Variants in TYR observed in about 807,000 individuals in gnomAD.
The protein encoded by TYR is tyrosinase, also known as LB24-AB.
In TYR, 58 loss-of-function variants were observed where a neutral mutation model predicts 51.5. The ratio of observed to expected loss-of-function variants is 1.13; its 90% confidence interval spans 0.91 to 1.40. The LOEUF is 1.40. Ranked by LOEUF, TYR falls within the 40% of genes most tolerant of loss-of-function variation. The pLI is 0.00. For missense variants in TYR, 732 were observed against 647.4 expected, an observed-to-expected ratio of 1.13 and a Z score of -1.42; for synonymous variants, 263 against 235.2, an observed-to-expected ratio of 1.12 and a Z score of -1.08.
chr11:89,204,545 C>T (rs1312191921), intron 2 of TYR, among the ~76,000 whole-genome samples: 1 of 151,798 alleles, frequency 6.6e-6, no homozygotes, highest in Non-Finnish European at 1.5e-5. Context: ...CAGGTGCCCA[C>T]CAACAAGCCC....
chr11:89,257,711 T>A (rs868582291), intron 3 of TYR, among the ~76,000 whole-genome samples: 4 of 151,820 alleles, frequency 2.6e-5, no homozygotes, highest in African/African-American at 4.8e-5. Flanking sequence ...ATTTATGTAT[T>A]TTTTTTACTA....
intron 3 of TYR, among the ~76,000 whole-genome samples, chr11:89,240,338 AT>A (rs546945475): frequency 1.9e-3 from 295 of 152,332 alleles, no homozygotes; most frequent in African/African-American, 6.7e-3. Flanking sequence ...CACCTAAAAA[AT>A]ATTCAGAAAA....
chr11:89,218,743 GCA>G (rs1200679485), intron 2 of TYR, among the ~76,000 whole-genome samples: 2 of 151,998 alleles, frequency 1.3e-5, no homozygotes, highest in Admixed American at 6.6e-5. Context: ...TTATTATTAT[GCA>G]CACTTTATAA....
intron 4 of TYR, among the ~76,000 whole-genome samples, chr11:89,293,367 AC>A (rs1565426392): frequency 5.5e-4 from 78 of 141,644 alleles, no homozygotes; most frequent in African/African-American, 1.9e-3. Context: ...ACACACACAC[AC>A]ACAACCCAGA....
chr11:89,191,786 A>C (rs75625236), intron 2 of TYR, among the ~76,000 whole-genome samples: 4,445 of 152,248 alleles, frequency 0.029, 210 homozygotes, highest in African/African-American at 0.098. Flanking sequence ...GAAGCAGAAG[A>C]AGCAGCAGTA....
At chr11:89,212,262 C>T (rs1044771344) in intron 2 of TYR, among the ~76,000 whole-genome samples, 1 of 152,168 alleles carries the variant, frequency 6.6e-6, no homozygotes, top group Non-Finnish European at 1.5e-5. Flanking sequence ...GATATTGCCA[C>T]TGATCCCCCA....
intron 3 of TYR, among the ~76,000 whole-genome samples, chr11:89,279,089 G>T (rs1368574021): frequency 1.3e-5 from 2 of 151,548 alleles, no homozygotes; most frequent in Non-Finnish European, 3.0e-5. Context: ...GTACCCCAAA[G>T]TATGGTGCCT....
intron 2 of TYR, among the ~76,000 whole-genome samples, chr11:89,216,862 T>C (rs986733367): frequency 6.6e-6 from 1 of 152,168 alleles, no homozygotes; most frequent in East Asian, 1.9e-4. Context: ...CGTATGACTA[T>C]TTTTCTTTAA....
intron 3 of TYR, among the ~76,000 whole-genome samples, chr11:89,255,933 T>A (rs1325358516): frequency 1.3e-5 from 2 of 151,680 alleles, no homozygotes; most frequent in Non-Finnish European, 3.0e-5. Flanking sequence ...TATTATTACT[T>A]GCTGGTCTAG....
chr11:89,189,713 T>C (rs991247958), intron 1 of TYR, among the ~76,000 whole-genome samples: 8 of 152,118 alleles, frequency 5.3e-5, no homozygotes, highest in Non-Finnish European at 1.0e-4. Context: ...TTTCTATAAC[T>C]ATGTGAGGTA....
At chr11:89,224,462 T>A (rs1808099472) in intron 2 of TYR, among the ~76,000 whole-genome samples, 3 of 152,166 alleles carry the variant, frequency 2.0e-5, no homozygotes, top group African/African-American at 7.2e-5. Flanking sequence ...AAAAATCTTT[T>A]TTACAGCAGT....
Position 89,229,332 on chromosome 11 carries a change from C to A in TYR, c.1184+1362C>A, listed in dbSNP as rs560148066. Among the ~76,000 whole-genome samples, 3 of 152,074 alleles carry A rather than the reference C, an allele frequency of 2.0e-5. No homozygotes were observed. In the East Asian group the frequency reaches 5.8e-4, roughly 29 times the overall value. ...GTGTCAATACCAACATCACAACCAC[C>A]TATACCCATACATAAGAGAGAAAAG... On this transcript the variant is annotated intron_variant, in intron 3 of 4. Coordinates refer to ENST00000263321, the MANE Select transcript of TYR (RefSeq NM_000372.5).
intron 3 of TYR, among the ~76,000 whole-genome samples, chr11:89,239,048 T>C (rs1944158051): frequency 6.6e-6 from 1 of 152,186 alleles, no homozygotes; most frequent in South Asian, 2.1e-4. Context: ...TTTTGTTTTG[T>C]CATACTCTCC....
At chr11:89,292,189 C>T (rs1283609472) in intron 4 of TYR, among the ~76,000 whole-genome samples, 1 of 151,892 alleles carries the variant, frequency 6.6e-6, no homozygotes, top group African/African-American at 2.4e-5. Context: ...CTTCTCATTC[C>T]ACAGCTGCCA....
At chr11:89,262,847 C>CAAAAAAAA (rs771958187) in intron 3 of TYR, among the ~76,000 whole-genome samples, 7 of 19,284 alleles carry the variant, frequency 3.6e-4, no homozygotes, top group African/African-American at 9.0e-4. Flanking sequence ...GCTACTCATC[C>CAAAAAAAA]AAAAAAAAAA....
intron 1 of TYR, among the ~76,000 whole-genome samples, chr11:89,190,740 C>T (rs1943431579): frequency 6.6e-6 from 1 of 152,056 alleles, no homozygotes; most frequent in Non-Finnish European, 1.5e-5. Context: ...AATGCAACTT[C>T]TAGTCCTGCA....
At chr11:89,211,094 T>A (rs1943748431) in intron 2 of TYR, among the ~76,000 whole-genome samples, 1 of 152,116 alleles carries the variant, frequency 6.6e-6, no homozygotes, top group African/African-American at 2.4e-5. Context: ...AATGGCAGGA[T>A]CAAATTCACA....
intron 3 of TYR, among the ~76,000 whole-genome samples, chr11:89,238,256 C>G (rs1230553402): frequency 6.6e-6 from 1 of 151,836 alleles, no homozygotes; most frequent in East Asian, 1.9e-4. Flanking sequence ...TAAATTTATT[C>G]CTAAGAATTT....
chr11:89,191,240 G>A lies in TYR; in HGVS notation c.858G>A (p.Gln286=), dbSNP rs201641847. 2 of 1,613,584 alleles carry A rather than the reference G, an allele frequency of 1.2e-6. No individual in the cohort carries two copies. The highest frequency in any genetic ancestry group is 2.7e-5 in the African/African-American group (2 of 74,982). Residue 286 remains glutamine, a synonymous_variant, in exon 2 of 5, where the codon CAG becomes CAA. Transcript: ENST00000263321. ...CSRLEEYNSH[Q]SLCNGTPEGP... is the part of the protein sequence containing the mutation. ...GATTGGAGGAGTACAACAGCCATCA[G>A]TCTTTATGCAATGGAACGCCCGAGG... is the stretch of plus-strand genomic sequence containing the variant.
Sources: allele counts gnomAD v4.1 joint callset (sites outside exome capture counted in the v4.1 genomes callset), GRCh38; gene constraint gnomAD v4.1.1; transcripts MANE v1.5; gene names NCBI Gene and HGNC (gene_info 2026-07-23, HGNC 2026-07-21).